Variants in RASGEF1C observed in about 807,000 individuals in gnomAD.
The protein encoded by RASGEF1C is RasGEF domain family member 1C, also known as ras-GEF domain-containing family member 1C.
RASGEF1C carries 27 observed loss-of-function variants against 58.1 expected under a neutral mutation model. The observed-to-expected ratio is 0.46, with a 90% CI of 0.34 to 0.64. The LOEUF (loss-of-function observed/expected upper bound fraction) is 0.64. RASGEF1C is among the 30% of genes least tolerant of loss of function. RASGEF1C has a pLI of 0.01. For synonymous variants in RASGEF1C, 243 were observed against 246.3 expected (o/e 0.99, Z 0.13); for missense variants, 502 against 605.1 (o/e 0.83, Z 1.79).
At chr5:180,113,715 TGGAGGGATCCGGGCTGGAC>T (rs1766013707) in intron 11 of RASGEF1C, among the ~76,000 whole-genome samples, 3 of 68,354 alleles carry the variant, frequency 4.4e-5, no homozygotes, top group African/African-American at 1.8e-4. Flanking sequence ...CGGGGATGGA[TGGAGGGATCCGGGCTGGAC>T]GGAGGGACCG....
chr5:180,196,489 ACT>A (rs1267497706), intron 1 of RASGEF1C, among the ~76,000 whole-genome samples: 1 of 151,024 alleles, frequency 6.6e-6, no homozygotes, highest in East Asian at 1.9e-4. Flanking sequence ...CAACAGTGAG[ACT>A]CTGTCTCAAA....
intron 6 of RASGEF1C, among the ~76,000 whole-genome samples, chr5:180,124,056 C>T (rs4700714): frequency 0.26 from 38,883 of 151,674 alleles, 6,190 homozygotes; most frequent in East Asian, 0.46. Flanking sequence ...GAATAAACAA[C>T]GAAACAAACA....
At position 180,130,215 on chromosome 5, in the gene RASGEF1C, T is replaced by C. The variant is rs150000811; in HGVS notation, c.439-1605A>G. On this transcript the variant is annotated intron_variant, in intron 4 of 13. Coordinates refer to ENST00000361132, the MANE Select transcript of RASGEF1C (RefSeq NM_175062.4). ...CATAGGGTGACCTGGATGAGTACTG[T>C]TGGGAGCAGAGGCCAGGGAAACTAG... Among the ~76,000 whole-genome samples, 377 of 152,298 alleles carry C rather than the reference T, an allele frequency of 2.5e-3. 2 individuals carry two copies. The highest frequency in any genetic ancestry group is 8.5e-3 in the African/African-American group (353 of 41,566).
At position 180,197,732 on chromosome 5, in the gene RASGEF1C, C is replaced by T. The variant is rs113914781; in HGVS notation, c.-7+11296G>A. On this transcript the variant is annotated intron_variant, in intron 1 of 13. Coordinates refer to ENST00000361132, the MANE Select transcript of RASGEF1C (RefSeq NM_175062.4). The surrounding 1 kb of genome is among the most constrained non-coding windows in gnomAD (Gnocchi z 4.7). ...CTCAGCCAATGGCACTGTGCAGGTG[C>T]TTAAACCGTCACAGAGAGCAGTGGT... Among the ~76,000 whole-genome samples, 98 of 152,320 alleles carry T rather than the reference C, an allele frequency of 6.4e-4. No individual in the cohort carries two copies. Among genetic ancestry groups the T allele is most frequent in the African/African-American group, 2.3e-3 (96 of 41,564 alleles).
At chr5:180,182,232 G>A (rs11249678) in intron 1 of RASGEF1C, among the ~76,000 whole-genome samples, 29,114 of 87,910 alleles carry the variant, frequency 0.33, 5,550 homozygotes, top group South Asian at 0.48. Context: ...AAAAAAAAAA[G>A]AATGAAGCCA....
At chr5:180,117,100 C>T (rs570663625) in intron 10 of RASGEF1C, among the ~76,000 whole-genome samples, 13 of 152,340 alleles carry the variant, frequency 8.5e-5, no homozygotes, top group Non-Finnish European at 1.3e-4. Context: ...TCTGGCTTCC[C>T]GGGCTCCGGC....
chr5:180,145,123 T>A (rs1018011110), intron 1 of RASGEF1C, among the ~76,000 whole-genome samples: 48 of 152,304 alleles, frequency 3.2e-4, no homozygotes, highest in African/African-American at 9.1e-4. Flanking sequence ...TATTTATTTT[T>A]ATTTTAATTT....
At chr5:180,163,252 TCCAGCC>T (rs1561747787) in intron 1 of RASGEF1C, among the ~76,000 whole-genome samples, 207 of 80,840 alleles carry the variant, frequency 2.6e-3, no homozygotes, top group Middle Eastern at 0.013. Flanking sequence ...TTTTTTTTTT[TCCAGCC>T]TATTGCACTG....
intron 10 of RASGEF1C, among the ~76,000 whole-genome samples, chr5:180,115,759 C>T (rs985284950): frequency 6.6e-6 from 1 of 152,176 alleles, no homozygotes; most frequent in Non-Finnish European, 1.5e-5. Context: ...GGTTAAATAC[C>T]TTGCATAAGC....
At chr5:180,187,974 C>T (rs1453058687) in intron 1 of RASGEF1C, among the ~76,000 whole-genome samples, 1 of 152,176 alleles carries the variant, frequency 6.6e-6, no homozygotes, top group African/African-American at 2.4e-5. Flanking sequence ...CAATTCCACT[C>T]CCAGTTACAT....
chr5:180,127,532 AG>A (rs1766283230), intron 6 of RASGEF1C, 76 bp downstream of exon 6: 1 of 1,415,680 alleles, frequency 7.1e-7, no homozygotes, highest in South Asian at 1.4e-5. Flanking sequence ...CGCCCAGAGA[AG>A]GCTCGCGGGC....
chr5:180,163,231 C>CTGTTTTTTTTTTTTTTTTT, intron 1 of RASGEF1C, among the ~76,000 whole-genome samples: 1 of 19,478 alleles, frequency 5.1e-5, no homozygotes, highest in South Asian at 2.2e-3. Context: ...CACCCCCTCA[C>CTGTTTTTTTTTTTTTTTTT]TTTTTTTTTT....
chr5:180,181,390 C>G (rs1246029421), intron 1 of RASGEF1C, among the ~76,000 whole-genome samples: 1 of 152,208 alleles, frequency 6.6e-6, no homozygotes, highest in Non-Finnish European at 1.5e-5. Context: ...GACTGAAGTC[C>G]TCACCTCCAA....
chr5:180,101,382 G>C lies in RASGEF1C; in HGVS notation c.*119C>G. 1 of 1,202,818 alleles carries C rather than the reference G, an allele frequency of 8.3e-7. No individual in the cohort carries two copies. Among genetic ancestry groups the C allele is most frequent in the East Asian group, 2.4e-5 (1 of 40,998 alleles). The allele number at this position is 1,202,818 out of a possible 1,614,324, so 74.5% of individuals were successfully genotyped here. A position where few individuals can be genotyped will look rare whatever the true frequency, so the allele number is the denominator to read the frequency against. ...GGGGGGGGGCGGGCAGCAGGCCACA[G>C]GGTCGGCATTTGCAAAATAGTGAGG... is the stretch of plus-strand genomic sequence containing the variant. On this transcript the variant is annotated 3_prime_UTR_variant, in exon 14 of 14. Coordinates refer to ENST00000361132, the MANE Select transcript of RASGEF1C (RefSeq NM_175062.4).
In RASGEF1C at chr5:180,143,545, A is replaced by G. The variant is rs1561742249; in HGVS notation, c.-6-5487T>C. 6.6e-6 allele frequency among the ~76,000 whole-genome samples: 1 copy of G among 152,296 alleles called. No individual in the cohort carries two copies. Among genetic ancestry groups the G allele is most frequent in the East Asian group, 1.9e-4 (1 of 5,172 alleles). On this transcript the variant is annotated intron_variant, in intron 1 of 13. Transcript: ENST00000361132. This position sits in a 1 kb window ranked among gnomAD's most constrained non-coding sequence, Gnocchi z 4.3. ...GGCTGGCAGAAGGTGGGCCGGCTGT[A>G]CCAGTGAAAACCCACAAGCTCTGCT...
intron 1 of RASGEF1C, among the ~76,000 whole-genome samples, chr5:180,147,868 CT>C (rs1481150480): frequency 1.3e-5 from 2 of 152,090 alleles, no homozygotes; most frequent in Non-Finnish European, 1.5e-5. Flanking sequence ...TCTGGGCATT[CT>C]ATCCATTATT....
chr5:180,136,425 T>A lies in RASGEF1C; in HGVS notation c.391A>T (p.Ile131Phe). 1 of 1,561,316 alleles carries A rather than the reference T, an allele frequency of 6.4e-7. No individual in the cohort carries two copies. The highest frequency in any genetic ancestry group is 8.7e-7 in the Non-Finnish European group (1 of 1,152,684). The change falls in exon 4 of 14, where the codon ATC (isoleucine) becomes TTC (phenylalanine). Residue 131 changes from isoleucine (I) to phenylalanine (F), a missense_variant. Transcript: ENST00000361132. Reference sequence around the variant, plus strand: ...CCCACGACGTCCTTAAGGTGCCCGATAGTCGACTCTTCCTGGAAGTCCCTT... The same window carrying A: ...CCCACGACGTCCTTAAGGTGCCCGAAAGTCGACTCTTCCTGGAAGTCCCTT... ...FPRDFQEEST[I>F]GHLKDVVGRI... is the part of the protein sequence containing the mutation.
intron 1 of RASGEF1C, among the ~76,000 whole-genome samples, chr5:180,194,755 C>G (rs1309196728): frequency 6.6e-6 from 1 of 152,196 alleles, no homozygotes. Flanking sequence ...CACAGGAGAT[C>G]CATCTCCCTA....
chr5:180,139,346 T>C (rs905668244), intron 1 of RASGEF1C, among the ~76,000 whole-genome samples: 1 of 152,192 alleles, frequency 6.6e-6, no homozygotes, highest in African/African-American at 2.4e-5. Flanking sequence ...GCTCCCCTGC[T>C]CATGCCGTCC....
Sources: allele counts gnomAD v4.1 joint callset (sites outside exome capture counted in the v4.1 genomes callset), GRCh38; gene constraint gnomAD v4.1.1; non-coding constraint Gnocchi (gnomAD v3.1); transcripts MANE v1.5; gene names NCBI Gene and HGNC (gene_info 2026-07-23, HGNC 2026-07-21).